The following MDGA2 variants were observed in gnomAD, a reference collection of about 807,000 sequenced individuals.
The protein encoded by MDGA2 is MAM domain-containing glycosylphosphatidylinositol anchor protein 2.
In MDGA2, 40 loss-of-function variants were observed where a neutral mutation model predicts 117.8. The ratio of observed to expected loss-of-function variants is 0.34; its 90% confidence interval spans 0.26 to 0.44. The LOEUF (loss-of-function observed/expected upper bound fraction) is 0.44, where lower values mean the gene tolerates loss of function less well. Among genes scored for constraint, MDGA2 ranks in the 20% least tolerant of loss-of-function variants. The pLI, the probability that MDGA2 is intolerant of heterozygous loss-of-function variation, is 1.00. For missense variants in MDGA2, 1,123 were observed against 1,250.6 expected (o/e 0.90, Z 1.54); for synonymous variants, 452 against 439.0 (o/e 1.03, Z -0.37).
chr14:47,094,164 A>C (rs1171040510), intron 6 of MDGA2, among the ~76,000 whole-genome samples: 1 of 152,086 alleles, frequency 6.6e-6, no homozygotes, highest in Non-Finnish European at 1.5e-5. Context: ...CTACTTCTAA[A>C]TTCAGTAAGA....
rs7151286 is a variant in MDGA2 at position 47,655,341 on chromosome 14, G to A, written c.280+19176C>T. Among the ~76,000 whole-genome samples, 926 of 152,146 alleles carry A rather than the reference G, an allele frequency of 6.1e-3. 12 individuals carry two copies. Among genetic ancestry groups the A allele is most frequent in the African/African-American group, 0.021 (875 of 41,478 alleles). On this transcript the variant is annotated intron_variant, in intron 1 of 16. Transcript: ENST00000399232. Reference sequence around the variant, plus strand: ...ATTCACATGGACATAACAGCAGTACGCATCTTCCATCCTGACCCAGGATTA... The same window carrying A: ...ATTCACATGGACATAACAGCAGTACACATCTTCCATCCTGACCCAGGATTA...
chr14:47,130,518 C>G (rs1882149608), intron 5 of MDGA2, among the ~76,000 whole-genome samples: 1 of 152,088 alleles, frequency 6.6e-6, no homozygotes, highest in Non-Finnish European at 1.5e-5. Flanking sequence ...ATCTTGGCAA[C>G]TCGATGGAAC....
intron 6 of MDGA2, among the ~76,000 whole-genome samples, chr14:47,092,912 C>T (rs1879746525): frequency 6.6e-6 from 1 of 152,046 alleles, no homozygotes; most frequent in Admixed American, 6.6e-5. Flanking sequence ...AAACGCCCAT[C>T]ACTGGACACC....
chr14:47,056,237 G>A (rs1889670689), intron 7 of MDGA2, among the ~76,000 whole-genome samples: 1 of 152,052 alleles, frequency 6.6e-6, no homozygotes, highest in Non-Finnish European at 1.5e-5. Context: ...TTGCCCTCCT[G>A]TTTGTTAACT....
chr14:46,940,773 A>G (rs530529120), intron 9 of MDGA2, among the ~76,000 whole-genome samples: 9 of 152,196 alleles, frequency 5.9e-5, no homozygotes, highest in Non-Finnish European at 1.2e-4. Context: ...CTGAATGTTC[A>G]ATGGTGTACT....
intron 9 of MDGA2, among the ~76,000 whole-genome samples, chr14:46,926,422 GAAA>G (rs5808368): frequency 2.0e-5 from 3 of 146,792 alleles, no homozygotes; most frequent in South Asian, 2.1e-4. Flanking sequence ...GCACTGATTT[GAAA>G]AAAAAAAAAG....
chr14:47,597,694 C>T (rs960724883), intron 1 of MDGA2, among the ~76,000 whole-genome samples: 1 of 151,942 alleles, frequency 6.6e-6, no homozygotes, highest in African/African-American at 2.4e-5. Context: ...ATTATAACAA[C>T]TTTAAAATAC....
chr14:47,046,303 A>G (rs1889262830), intron 7 of MDGA2, among the ~76,000 whole-genome samples: 1 of 128,326 alleles, frequency 7.8e-6, no homozygotes, highest in Admixed American at 8.8e-5. Context: ...ACTAGAAACC[A>G]ATTCCTCAAA....
intron 1 of MDGA2, among the ~76,000 whole-genome samples, chr14:47,419,557 T>C (rs914046277): frequency 3.3e-5 from 5 of 152,120 alleles, no homozygotes; most frequent in African/African-American, 1.2e-4. Flanking sequence ...ACTCTTGTAT[T>C]TTTAACTACA....
chr14:46,938,540 C>CAAAAAAAAAAAAAAAAAAA (rs71112472), intron 9 of MDGA2, among the ~76,000 whole-genome samples: 678 of 26,800 alleles, frequency 0.025, 62 homozygotes, highest in Non-Finnish European at 0.038. Flanking sequence ...AAATCCATCT[C>CAAAAAAAAAAAAAAAAAAA]AAAAAAAAAA....
intron 1 of MDGA2, among the ~76,000 whole-genome samples, chr14:47,651,851 T>C (rs1253648901): frequency 6.6e-6 from 1 of 152,126 alleles, no homozygotes; most frequent in Non-Finnish European, 1.5e-5. Context: ...GTGAATGATA[T>C]GTGGACCTGG....
At chr14:46,930,014 C>T (rs1884505655) in intron 9 of MDGA2, among the ~76,000 whole-genome samples, 1 of 151,480 alleles carries the variant, frequency 6.6e-6, no homozygotes, top group African/African-American at 2.4e-5. Context: ...ATTTGTGCTC[C>T]TATTTTTATT....
At chr14:47,120,203 C>T (rs2139099684) in intron 5 of MDGA2, among the ~76,000 whole-genome samples, 1 of 152,218 alleles carries the variant, frequency 6.6e-6, no homozygotes, top group African/African-American at 2.4e-5. Context: ...CTTTAATTGT[C>T]ACACCTATTT....
intron 1 of MDGA2, among the ~76,000 whole-genome samples, chr14:47,572,436 T>C (rs944831244): frequency 6.6e-6 from 1 of 152,210 alleles, no homozygotes; most frequent in Non-Finnish European, 1.5e-5. Context: ...TGCTTGAATA[T>C]GATTAAGGCT....
At chr14:47,060,941 T>C (rs1889860234) in intron 7 of MDGA2, among the ~76,000 whole-genome samples, 1 of 152,030 alleles carries the variant, frequency 6.6e-6, no homozygotes, top group Non-Finnish European at 1.5e-5. Context: ...TTTATTAATA[T>C]AATTTTAGAC....
At chr14:47,614,383 TC>T in intron 1 of MDGA2, among the ~76,000 whole-genome samples, 1 of 152,234 alleles carries the variant, frequency 6.6e-6, no homozygotes, top group Middle Eastern at 3.4e-3. Flanking sequence ...AGCCATCGCA[TC>T]CGGCCACTTT....
intron 8 of MDGA2, among the ~76,000 whole-genome samples, chr14:46,968,785 T>G (rs1222726768): frequency 6.7e-6 from 1 of 148,722 alleles, no homozygotes; most frequent in Non-Finnish European, 1.5e-5. Context: ...TGCAGTGAGC[T>G]GAGATCGTGC....
At chr14:47,651,908 C>A (rs1214909331) in intron 1 of MDGA2, among the ~76,000 whole-genome samples, 1 of 152,080 alleles carries the variant, frequency 6.6e-6, no homozygotes, top group African/African-American at 2.4e-5. Flanking sequence ...GTTGGGTAGA[C>A]CAAGAGTCCA....
chr14:47,087,755 A>ATGGG (rs1175099381), intron 6 of MDGA2, among the ~76,000 whole-genome samples: 1 of 150,926 alleles, frequency 6.6e-6, no homozygotes, highest in African/African-American at 2.4e-5. Context: ...ATGCGTTTTC[A>ATGGG]TATTAGTATT....
Sources: gnomAD v4.1 joint callset for allele counts (sites outside exome capture counted in the v4.1 genomes callset) on GRCh38, gnomAD v4.1.1 for gene constraint, MANE v1.5 for transcripts, NCBI Gene and HGNC (gene_info 2026-07-23, HGNC 2026-07-21) for gene names.